The following CSMD1 variants were observed in gnomAD, a reference collection of about 807,000 sequenced individuals.
The protein encoded by CSMD1 is CUB and sushi domain-containing protein 1.
Under a neutral mutation model 417.5 loss-of-function variants are expected in CSMD1, and 213 were observed. The observed-to-expected ratio is 0.51, with a 90% CI of 0.46 to 0.57. The LOEUF is 0.57. Ranked by LOEUF, CSMD1 falls within the 20% of genes least tolerant of loss-of-function variation. CSMD1 has a pLI of 0.00. For synonymous variants in CSMD1, 2,862 were observed against 1,736.8 expected (o/e 1.65, Z -16.11); for missense variants, 6,923 against 4,529.7 (o/e 1.53, Z -15.17).
At chr8:3,938,301 T>C (rs1810642294) in intron 5 of CSMD1, among the ~76,000 whole-genome samples, 1 of 152,118 alleles carries the variant, frequency 6.6e-6, no homozygotes. Context: ...ATGCTGGAGT[T>C]CCTTAAATAA....
intron 3 of CSMD1, among the ~76,000 whole-genome samples, chr8:4,320,991 C>G (rs974482103): frequency 1.3e-5 from 2 of 152,130 alleles, no homozygotes; most frequent in African/African-American, 4.8e-5. Flanking sequence ...CCTCCTTATA[C>G]CAGTTTCTCT....
intron 26 of CSMD1, among the ~76,000 whole-genome samples, chr8:3,264,793 G>C (rs1170886987): frequency 6.6e-6 from 1 of 152,130 alleles, no homozygotes; most frequent in Non-Finnish European, 1.5e-5. Flanking sequence ...ACCCAGGCCA[G>C]AAACAGTGCC....
Position 4,264,882 on chromosome 8 carries a change from G to T in CSMD1, c.415+155071C>A, listed in dbSNP as rs112379501. ...AATTAAGTGCCCTAGGTAGGACGAT[G>T]AACAGAGAAAACATGTAGGAATTGG... On this transcript the variant is annotated intron_variant, in intron 3 of 69. Coordinates refer to ENST00000635120, the MANE Select transcript of CSMD1 (RefSeq NM_033225.6). Among the ~76,000 whole-genome samples the T allele has an allele frequency of 4.0e-3, 608 of 152,276 alleles. 3 individuals are homozygous for T. Among genetic ancestry groups the T allele is most frequent in the African/African-American group, 0.014 (573 of 41,552 alleles).
At chr8:3,743,402 T>C (rs1223007121) in intron 6 of CSMD1, among the ~76,000 whole-genome samples, 3 of 152,220 alleles carry the variant, frequency 2.0e-5, no homozygotes, top group Admixed American at 1.3e-4. Flanking sequence ...TTGCGTGGAA[T>C]AGTGTGACAT....
intron 3 of CSMD1, 42 bp from the exon 4 acceptor site, chr8:4,032,141 T>A: frequency 6.6e-7 from 1 of 1,508,342 alleles, no homozygotes; most frequent in Non-Finnish European, 9.1e-7. Flanking sequence ...CAAGTTAAAT[T>A]TTCCATGGAG....
At chr8:3,695,165 A>G (rs911174533) in intron 7 of CSMD1, among the ~76,000 whole-genome samples, 9 of 151,290 alleles carry the variant, frequency 5.9e-5, no homozygotes, top group Non-Finnish European at 1.0e-4. Context: ...ACAGGGGGAC[A>G]TATTTCCAAG....
chr8:3,373,847 A>C (rs999276869), intron 18 of CSMD1: 3 of 152,206 alleles, frequency 2.0e-5, no homozygotes, highest in Admixed American at 6.5e-5. Context: ...TTACATTAGA[A>C]ATCTTTTGGA....
chr8:4,255,651 T>C (rs182354228), intron 3 of CSMD1, among the ~76,000 whole-genome samples: 31 of 152,364 alleles, frequency 2.0e-4, no homozygotes, highest in Admixed American at 1.8e-3. Context: ...TCATTTATTT[T>C]GGACTTTGCT....
rs147637996 is a variant in CSMD1, at chr8:4,043,166, T to C, written c.416-11067A>G. On this transcript the variant is annotated intron_variant, in intron 3 of 69. Coordinates refer to ENST00000635120, the MANE Select transcript of CSMD1 (RefSeq NM_033225.6). ...AACAAAACAATAAAAAAAGCAGCAG[T>C]ATAACATCACAGTAGATTATGGTAG... Among the ~76,000 whole-genome samples the C allele has an allele frequency of 7.9e-4, 120 of 152,024 alleles. No homozygotes were observed. In the Middle Eastern group the frequency reaches 0.014, roughly 17 times the overall value.
intron 4 of CSMD1, among the ~76,000 whole-genome samples, chr8:4,005,367 G>A (rs552691024): frequency 1.3e-5 from 2 of 152,206 alleles, no homozygotes; most frequent in Admixed American, 1.3e-4. Context: ...GGGCGGGTCC[G>A]GCTCCTTGAA....
At chr8:4,880,490 T>A (rs1385038492) in intron 1 of CSMD1, among the ~76,000 whole-genome samples, 3 of 152,104 alleles carry the variant, frequency 2.0e-5, no homozygotes, top group Non-Finnish European at 4.4e-5. Flanking sequence ...GTGTAGCCCA[T>A]GAATTCTGTC....
chr8:4,309,834 A>C (rs1269697706), intron 3 of CSMD1, among the ~76,000 whole-genome samples: 3 of 152,194 alleles, frequency 2.0e-5, no homozygotes, highest in African/African-American at 7.2e-5. Context: ...TTTTAAATAT[A>C]GCTGTCTGAG....
intron 3 of CSMD1, among the ~76,000 whole-genome samples, chr8:4,398,388 C>T (rs11774232): frequency 0.36 from 41,457 of 114,548 alleles, 7,598 homozygotes; most frequent in Middle Eastern, 0.56. Flanking sequence ...GCTGCAACTT[C>T]TTTTTTTTTT....
chr8:4,032,124 G>T, intron 3 of CSMD1, 25 bp from the exon 4 acceptor site: 2 of 1,549,028 alleles, frequency 1.3e-6, no homozygotes, highest in South Asian at 1.2e-5. Context: ...AAAGAAAGGA[G>T]AAAAAACAAG....
intron 3 of CSMD1, among the ~76,000 whole-genome samples, chr8:4,054,274 G>T (rs1173638567): frequency 1.3e-5 from 1 of 79,544 alleles, no homozygotes; most frequent in Non-Finnish European, 2.5e-5. Context: ...AGGTGACGGG[G>T]AAGTGAAGAT....
chr8:4,409,431 A>C (rs1051689337), intron 3 of CSMD1, among the ~76,000 whole-genome samples: 1 of 152,182 alleles, frequency 6.6e-6, no homozygotes, highest in East Asian at 1.9e-4. Flanking sequence ...TCATTTTAGA[A>C]TAAAAACAAA....
intron 3 of CSMD1, among the ~76,000 whole-genome samples, chr8:4,400,550 C>T (rs1425795089): frequency 1.3e-5 from 2 of 152,222 alleles, no homozygotes; most frequent in African/African-American, 4.8e-5. Flanking sequence ...GTGCAAGGCA[C>T]AGGGCCAGCC....
intron 7 of CSMD1, among the ~76,000 whole-genome samples, chr8:3,671,511 ATGATC>A (rs1799043075): frequency 9.1e-5 from 1 of 10,974 alleles, no homozygotes. Context: ...ATATATATAT[ATGATC>A]ATATATATGA....
In CSMD1 at chr8:3,590,142, A is replaced by G. The variant is rs2449182; in HGVS notation, c.1098-3882T>C. Among the ~76,000 whole-genome samples the G allele has an allele frequency of 9.1e-3, 1,386 of 152,290 alleles. 28 individuals are homozygous for G. The highest frequency in any genetic ancestry group is 0.032 in the African/African-American group (1,325 of 41,560). The stretch of plus-strand genomic sequence containing the variant: ...TAATATAGAAAAAGAAAAAAGGACA[A>G]TACAAAATTGTATGTACTGAAAATA... On this transcript the variant is annotated intron_variant, in intron 8 of 69. Transcript: ENST00000635120.
Sources: gnomAD v4.1 joint callset for allele counts (sites outside exome capture counted in the v4.1 genomes callset) on GRCh38, gnomAD v4.1.1 for gene constraint, MANE v1.5 for transcripts, NCBI Gene and HGNC (gene_info 2026-07-23, HGNC 2026-07-21) for gene names.